RYR2: variants seen among roughly 807,000 people sequenced by gnomAD.
RYR2 encodes ryanodine receptor 2, also known as cardiac muscle ryanodine receptor-calcium release channel.
RYR2 carries 227 observed loss-of-function variants against 601.1 expected under a neutral mutation model. That is an observed-to-expected ratio of 0.38 (90% CI 0.34 to 0.42). The LOEUF (loss-of-function observed/expected upper bound fraction) is 0.42, where lower values mean the gene tolerates loss of function less well. Among genes scored for constraint, RYR2 ranks in the 10% least tolerant of loss-of-function variants. The pLI is 1.00. For missense variants in RYR2, 4,646 were observed against 6,156.5 expected (o/e 0.75, Z 8.21); for synonymous variants, 2,223 against 2,175.1 (o/e 1.02, Z -0.61).
intron 1 of RYR2, among the ~76,000 whole-genome samples, chr1:237,126,752 A>G (rs1332620679): frequency 6.6e-6 from 1 of 152,088 alleles, no homozygotes; most frequent in African/African-American, 2.4e-5. Flanking sequence ...ACTTATGGAA[A>G]GAATTTTTAT....
At chr1:237,668,635 A>G (rs1033369008) in intron 58 of RYR2, among the ~76,000 whole-genome samples, 2 of 152,232 alleles carry the variant, frequency 1.3e-5, no homozygotes, top group African/African-American at 2.4e-5. Context: ...CAGGGCCACA[A>G]CATTTATTTC....
chr1:237,411,316 T>C (rs534279110), intron 10 of RYR2, among the ~76,000 whole-genome samples: 6 of 152,238 alleles, frequency 3.9e-5, no homozygotes, highest in African/African-American at 1.4e-4. Flanking sequence ...GATCCTGCCA[T>C]TGAATTGCAG....
chr1:237,507,756 C>T (rs61833804), intron 23 of RYR2, among the ~76,000 whole-genome samples: 1 of 152,182 alleles, frequency 6.6e-6, no homozygotes, highest in Admixed American at 6.5e-5. Context: ...TTGCTAAATG[C>T]CTTGGCAGGC....
At chr1:237,629,201 G>A (rs1351763478) in intron 41 of RYR2, among the ~76,000 whole-genome samples, 1 of 151,732 alleles carries the variant, frequency 6.6e-6, no homozygotes, top group African/African-American at 2.4e-5. Flanking sequence ...TATATAGTTC[G>A]GGGATTTGAA....
chr1:237,806,599 C>G (rs909110870), intron 99 of RYR2, among the ~76,000 whole-genome samples: 1 of 152,148 alleles, frequency 6.6e-6, no homozygotes, highest in Non-Finnish European at 1.5e-5. Flanking sequence ...CACTCAGGAA[C>G]TTAGTTATTA....
At chr1:237,388,236 A>C (rs901531988) in intron 10 of RYR2, 53 bp downstream of exon 10, 6 of 1,468,022 alleles carry the variant, frequency 4.1e-6, no homozygotes, top group Non-Finnish European at 5.7e-6. Flanking sequence ...CCTTGATGTA[A>C]TGTTTTAAAA....
chr1:237,769,522 CT>C (rs1198554485), intron 84 of RYR2, among the ~76,000 whole-genome samples: 4 of 152,138 alleles, frequency 2.6e-5, no homozygotes, highest in Non-Finnish European at 4.4e-5. Context: ...ATTTTATGTA[CT>C]TTTTTTAATG....
In RYR2 at chr1:237,148,561, CACAT is replaced by C. The variant is rs1219274641; in HGVS notation, c.48+105994_48+105997del. 6.5e-3 allele frequency among the ~76,000 whole-genome samples: 710 copies of C among 109,694 alleles called. 6 individuals are homozygous for C. The highest frequency in any genetic ancestry group is 9.0e-3 in the Non-Finnish European group (481 of 53,420). 72.0% of individuals were successfully genotyped at this position (109,694 alleles called of 152,430 possible). On this transcript the variant is annotated intron_variant, in intron 1 of 104. Coordinates refer to ENST00000366574, the MANE Select transcript of RYR2 (RefSeq NM_001035.3). The stretch of plus-strand genomic sequence containing the variant: ...ATATATATATATATATATACACACA[CACAT>C]ATATATATATATACACACACATATA...
At chr1:237,266,360 ATGTG>A (rs1689060953) in intron 1 of RYR2, among the ~76,000 whole-genome samples, 1 of 151,700 alleles carries the variant, frequency 6.6e-6, no homozygotes, top group Non-Finnish European at 1.5e-5. Flanking sequence ...GTGTACATGT[ATGTG>A]TGAGCATGTG....
chr1:237,410,989 A>G (rs1268939071), intron 10 of RYR2, among the ~76,000 whole-genome samples: 1 of 152,254 alleles, frequency 6.6e-6, no homozygotes, highest in Non-Finnish European at 1.5e-5. Flanking sequence ...AAAGAAGGCA[A>G]TCCTGTCATT....
At chr1:237,531,261 T>G (rs1382857594) in intron 25 of RYR2, among the ~76,000 whole-genome samples, 1 of 152,186 alleles carries the variant, frequency 6.6e-6, no homozygotes, top group Non-Finnish European at 1.5e-5. Context: ...GATGCTGTAG[T>G]ACTGGTTTGG....
intron 103 of RYR2, among the ~76,000 whole-genome samples, chr1:237,831,001 G>A (rs934604138): frequency 5.9e-5 from 9 of 152,072 alleles, no homozygotes; most frequent in Admixed American, 1.3e-4. Flanking sequence ...TTCAGATCTC[G>A]TCAGGCACTG....
intron 99 of RYR2, among the ~76,000 whole-genome samples, chr1:237,808,666 A>C (rs905077785): frequency 6.6e-6 from 1 of 150,660 alleles, no homozygotes; most frequent in Middle Eastern, 3.4e-3. Flanking sequence ...AAAAAAAAAA[A>C]AACAAAATAA....
rs1318046511 is a variant in RYR2 at position 237,548,379 on chromosome 1, AT to A, written c.2907-47del. ...GGGCCAGAAAATGATATTTACAGAG[AT>A]TTTTATGAAAAGGCCAATTATACAC... On this transcript the variant is annotated intron_variant, in intron 25 of 104. Transcript: ENST00000366574. 12 of 1,583,488 alleles carry A rather than the reference AT, an allele frequency of 7.6e-6. No individual in the cohort carries two copies. In the African/African-American group the frequency reaches 1.5e-4, roughly 20 times the overall value.
chr1:237,794,528 G>A (rs1658861748), intron 95 of RYR2, among the ~76,000 whole-genome samples: 1 of 152,264 alleles, frequency 6.6e-6, no homozygotes, highest in Admixed American at 6.5e-5. Context: ...ATTTAGCCCT[G>A]TGAGATCAAG....
At chr1:237,436,479 G>GTTTTTTTTTTTTTTTTTTTTTTTTCTTTT (rs1707387688) in intron 12 of RYR2, among the ~76,000 whole-genome samples, 1 of 16,598 alleles carries the variant, frequency 6.0e-5, no homozygotes, top group African/African-American at 2.5e-4. Context: ...TTTTTTTTTT[G>GTTTTTTTTTTTTTTTTTTTTTTTTCTTTT]CATTTCTGTC....
rs2042051 is a variant in RYR2, at chr1:237,347,311, T to C, written c.274-8654T>C. ...CTGGGCACCAAAGTGAGACCCCGTC[T>C]CAAAAACAAACAAACAGAAAAAACA... On this transcript the variant is annotated intron_variant, in intron 3 of 104. Coordinates refer to ENST00000366574, the MANE Select transcript of RYR2 (RefSeq NM_001035.3). Among the ~76,000 whole-genome samples, 1,199 of 152,068 alleles carry C rather than the reference T, an allele frequency of 7.9e-3. 22 individuals carry two copies. The highest frequency in any genetic ancestry group is 0.028 in the African/African-American group (1,147 of 41,490).
At chr1:237,346,695 A>G (rs1305673182) in intron 3 of RYR2, among the ~76,000 whole-genome samples, 1 of 152,182 alleles carries the variant, frequency 6.6e-6, no homozygotes, top group Non-Finnish European at 1.5e-5. Context: ...AAGTTAGGAA[A>G]TTGGGCTAAT....
chr1:237,766,284 TC>T (rs1177371758), intron 84 of RYR2, among the ~76,000 whole-genome samples: 1 of 152,192 alleles, frequency 6.6e-6, no homozygotes, highest in Non-Finnish European at 1.5e-5. Flanking sequence ...AGAATTGAGT[TC>T]CTAACGTTTA....
Sources: gnomAD v4.1 joint callset for allele counts (sites outside exome capture counted in the v4.1 genomes callset) on GRCh38, gnomAD v4.1.1 for gene constraint, MANE v1.5 for transcripts, NCBI Gene and HGNC (gene_info 2026-07-23, HGNC 2026-07-21) for gene names.